RAD51B: variants seen among roughly 807,000 people sequenced by gnomAD.
RAD51B encodes DNA repair protein RAD51 homolog 2.
In RAD51B, 38 loss-of-function variants were observed where a neutral mutation model predicts 42.2. That is an observed-to-expected ratio of 0.90 (90% CI 0.70 to 1.18). The LOEUF (loss-of-function observed/expected upper bound fraction) is 1.18. RAD51B is among the 50% of genes most tolerant of loss of function. The pLI is 0.00. For missense variants in RAD51B, 373 were observed against 400.7 expected, an observed-to-expected ratio of 0.93 and a Z score of 0.59; for synonymous variants, 154 against 145.2, an observed-to-expected ratio of 1.06 and a Z score of -0.43.
At chr14:68,659,867 G>C (rs1892898101) in intron 11 of RAD51B, among the ~76,000 whole-genome samples, 1 of 152,260 alleles carries the variant, frequency 6.6e-6, no homozygotes, top group African/African-American at 2.4e-5. Context: ...CAGTAGGACT[G>C]ACAAGAGATG....
At chr14:67,917,474 A>G (rs2044193071) in intron 7 of RAD51B, among the ~76,000 whole-genome samples, 2 of 152,220 alleles carry the variant, frequency 1.3e-5, no homozygotes, top group Non-Finnish European at 2.9e-5. Context: ...GCAGCGAGCC[A>G]TGAGGGATCT....
chr14:68,084,612 G>A (rs2076957959), intron 7 of RAD51B, among the ~76,000 whole-genome samples: 1 of 152,190 alleles, frequency 6.6e-6, no homozygotes, highest in Non-Finnish European at 1.5e-5. Context: ...TTGTAATCAT[G>A]AGGAGCAGAG....
At chr14:68,128,474 T>G (rs2077818865) in intron 7 of RAD51B, among the ~76,000 whole-genome samples, 1 of 152,148 alleles carries the variant, frequency 6.6e-6, no homozygotes. Context: ...ATGGATCACT[T>G]GAGGTCAGGA....
intron 10 of RAD51B, among the ~76,000 whole-genome samples, chr14:68,592,114 G>C (rs949536627): frequency 6.6e-6 from 1 of 152,078 alleles, no homozygotes; most frequent in African/African-American, 2.4e-5. Flanking sequence ...GTATTAGGAG[G>C]GGGGGAATTG....
chr14:67,997,722 GT>G (rs2075410003), intron 7 of RAD51B, among the ~76,000 whole-genome samples: 3 of 152,158 alleles, frequency 2.0e-5, no homozygotes, highest in Admixed American at 2.0e-4. Context: ...CCTACCCATG[GT>G]ACTGTATTTA....
At chr14:68,003,073 T>C (rs2075517056) in intron 7 of RAD51B, among the ~76,000 whole-genome samples, 1 of 152,220 alleles carries the variant, frequency 6.6e-6, no homozygotes, top group Non-Finnish European at 1.5e-5. Context: ...AGGATGTCAA[T>C]GGTAGTTTAA....
intron 7 of RAD51B, among the ~76,000 whole-genome samples, chr14:68,233,305 AT>A (rs979178361): frequency 1.3e-5 from 2 of 152,226 alleles, no homozygotes; most frequent in African/African-American, 4.8e-5. Flanking sequence ...AAGAGGCCAC[AT>A]TCACAGGACT....
At chr14:68,431,837 G>A (rs1385099084) in intron 9 of RAD51B, among the ~76,000 whole-genome samples, 1 of 152,118 alleles carries the variant, frequency 6.6e-6, no homozygotes, top group African/African-American at 2.4e-5. Context: ...TTTTAATTGT[G>A]ATGTTAGGGT....
intron 8 of RAD51B, among the ~76,000 whole-genome samples, chr14:68,373,057 T>G (rs2083293286): frequency 6.6e-6 from 1 of 152,234 alleles, no homozygotes; most frequent in Admixed American, 6.5e-5. Flanking sequence ...CCAGCCTGCC[T>G]CTGGGAGAGA....
chr14:68,353,519 C>T (rs2082832767), intron 8 of RAD51B, among the ~76,000 whole-genome samples: 1 of 152,144 alleles, frequency 6.6e-6, no homozygotes, highest in Non-Finnish European at 1.5e-5. Context: ...ATTTTTTCTC[C>T]TGTCTCTTTC....
intron 7 of RAD51B, among the ~76,000 whole-genome samples, chr14:68,086,191 C>A (rs994581694): frequency 1.3e-5 from 2 of 152,126 alleles, no homozygotes; most frequent in African/African-American, 2.4e-5. Context: ...GGAAGTTTTT[C>A]CCCTGGAGTT....
chr14:68,537,092 C>CAA (rs5809385), intron 10 of RAD51B, among the ~76,000 whole-genome samples: 53,065 of 104,474 alleles, frequency 0.51, 14,304 homozygotes, highest in East Asian at 0.82. Flanking sequence ...GGTCCTGTCT[C>CAA]AAAAAAAAAA....
chr14:68,572,883 C>T (rs1276108707), intron 10 of RAD51B, among the ~76,000 whole-genome samples: 2 of 152,182 alleles, frequency 1.3e-5, no homozygotes, highest in Non-Finnish European at 2.9e-5. Context: ...CTCATTTAAT[C>T]CTCATCACAA....
chr14:68,086,819 A>C (rs191994939), intron 7 of RAD51B, among the ~76,000 whole-genome samples: 63 of 152,212 alleles, frequency 4.1e-4, no homozygotes, highest in Non-Finnish European at 8.2e-4. Context: ...GGGTTTCCTG[A>C]AAGTTCAGAA....
chr14:68,371,036 CAAAAA>C (rs75617123), intron 8 of RAD51B, among the ~76,000 whole-genome samples: 1 of 26,124 alleles, frequency 3.8e-5, no homozygotes, highest in African/African-American at 1.9e-4. Context: ...GACTCTGTCT[CAAAAA>C]AAAAAAAAAA....
intron 4 of RAD51B, among the ~76,000 whole-genome samples, chr14:67,838,465 C>A (rs999780196): frequency 5.9e-5 from 9 of 151,754 alleles, no homozygotes; most frequent in Non-Finnish European, 2.9e-5. Flanking sequence ...AAAAAAGATA[C>A]ATGGTCTAGC....
intron 7 of RAD51B, among the ~76,000 whole-genome samples, chr14:68,035,697 G>GT (rs1481529686): frequency 6.6e-6 from 1 of 152,174 alleles, no homozygotes; most frequent in African/African-American, 2.4e-5. Context: ...AATCTTGGCA[G>GT]TTATATTGAT....
Position 68,358,898 on chromosome 14 carries a change from G to T in RAD51B, c.854-52526G>T, listed in dbSNP as rs115564327. Among the ~76,000 whole-genome samples, 995 of 152,250 alleles carry T rather than the reference G, an allele frequency of 6.5e-3. 14 individuals are homozygous for T. Among genetic ancestry groups the T allele is most frequent in the African/African-American group, 0.023 (939 of 41,544 alleles). On this transcript the variant is annotated intron_variant, in intron 8 of 10. Transcript: ENST00000471583. ...ATGGAGTTTGAGTATCCTTAACAAA[G>T]GAAGAAATTCACCATGCTTATTGGA...
At chr14:67,866,277 CAG>C (rs2042334498) in intron 5 of RAD51B, among the ~76,000 whole-genome samples, 1 of 152,092 alleles carries the variant, frequency 6.6e-6, no homozygotes, top group South Asian at 2.1e-4. Flanking sequence ...AAAAAAAGAA[CAG>C]AAGAATAAAC....
Sources: allele counts gnomAD v4.1 joint callset (sites outside exome capture counted in the v4.1 genomes callset), GRCh38; gene constraint gnomAD v4.1.1; transcripts MANE v1.5; gene names NCBI Gene and HGNC (gene_info 2026-07-23, HGNC 2026-07-21).